NDUFAF2: variants seen among roughly 807,000 people sequenced by gnomAD.
NDUFAF2 encodes the protein NADH dehydrogenase [ubiquinone] 1 alpha subcomplex assembly factor 2.
A neutral mutation model predicts 22.8 loss-of-function variants in NDUFAF2; 13 were observed. The ratio of observed to expected loss-of-function variants is 0.57; its 90% confidence interval spans 0.37 to 0.91. The LOEUF is 0.91. Ranked by LOEUF, NDUFAF2 falls within the 40% of genes least tolerant of loss-of-function variation. The probability of loss-of-function intolerance (pLI) is 0.01; values close to 1 mark genes in which losing one functional copy is unlikely to be tolerated. For synonymous variants in NDUFAF2, 53 were observed against 64.2 expected, an observed-to-expected ratio of 0.83 and a Z score of 0.84; for missense variants, 162 against 195.2, an observed-to-expected ratio of 0.83 and a Z score of 1.01.
intron 3 of NDUFAF2, among the ~76,000 whole-genome samples, chr5:61,105,433 G>T (rs1446147248): frequency 6.6e-6 from 1 of 150,914 alleles, no homozygotes; most frequent in Non-Finnish European, 1.5e-5. Flanking sequence ...TGTATTTATG[G>T]TTAAATGGAC....
chr5:61,028,957 T>G (rs1444771578), intron 1 of NDUFAF2, among the ~76,000 whole-genome samples: 4 of 151,460 alleles, frequency 2.6e-5, no homozygotes, highest in African/African-American at 9.8e-5. Context: ...CTAGGCTTAC[T>G]CTTTGCAGTC....
chr5:61,016,192 A>ATAT lies in NDUFAF2; in HGVS notation c.128-56933_128-56932insTAT, dbSNP rs537759646. On this transcript the variant is annotated intron_variant, in intron 1 of 3. Transcript: ENST00000296597. ...AGAGCAAGACTCTATCTAAAAAAAAAATATATATATACAGAGGTAAAATGA... is the reference window on the plus strand; with the variant it reads ...AGAGCAAGACTCTATCTAAAAAAAAATATATATATATATACAGAGGTAAAATGA... Among the ~76,000 whole-genome samples, 526 of 151,194 alleles carry ATAT rather than the reference A, an allele frequency of 3.5e-3. 5 individuals carry two copies. Among genetic ancestry groups the ATAT allele is most frequent in the Non-Finnish European group, 4.1e-3 (279 of 67,814 alleles).
rs1474802645 is a variant in NDUFAF2 at position 61,056,925 on chromosome 5, T to A, written c.128-16200T>A. Among the ~76,000 whole-genome samples, 71 of 22,600 alleles carry A rather than the reference T, an allele frequency of 3.1e-3. 1 individual carries two copies. The highest frequency in any genetic ancestry group is 6.5e-3 in the African/African-American group (47 of 7,268). The allele number at this position is 22,600 out of a possible 152,430, so 14.8% of individuals were successfully genotyped here. A position where few individuals can be genotyped will look rare whatever the true frequency, so the allele number is the denominator to read the frequency against. ...AAAAAAAAAAAAAAAAAAAAATATA[T>A]ATATATATATATATATATATATATA... On this transcript the variant is annotated intron_variant, in intron 1 of 3. Transcript: ENST00000296597.
At chr5:61,039,034 G>C (rs1561548173) in intron 1 of NDUFAF2, among the ~76,000 whole-genome samples, 1 of 149,662 alleles carries the variant, frequency 6.7e-6, no homozygotes, top group Non-Finnish European at 1.5e-5. Flanking sequence ...TTTTAATATA[G>C]TTTTGGGGAT....
At chr5:61,029,205 A>G (rs773703567) in intron 1 of NDUFAF2, among the ~76,000 whole-genome samples, 1 of 152,144 alleles carries the variant, frequency 6.6e-6, no homozygotes, top group Non-Finnish European at 1.5e-5. Context: ...AGGATAGGCT[A>G]TACATGTATG....
At chr5:61,069,765 C>T (rs964177970) in intron 1 of NDUFAF2, among the ~76,000 whole-genome samples, 9 of 152,112 alleles carry the variant, frequency 5.9e-5, no homozygotes, top group African/African-American at 2.2e-4. Flanking sequence ...TGGGATCTCA[C>T]CTTTTATTAT....
At chr5:60,988,838 A>G (rs191838607) in intron 1 of NDUFAF2, among the ~76,000 whole-genome samples, 8 of 152,304 alleles carry the variant, frequency 5.3e-5, no homozygotes, top group Admixed American at 5.2e-4. Flanking sequence ...AAGATGACCT[A>G]GGCAATACCA....
chr5:61,075,348 A>AC (rs1752354215), intron 2 of NDUFAF2, among the ~76,000 whole-genome samples: 3 of 151,974 alleles, frequency 2.0e-5, no homozygotes, highest in Admixed American at 1.3e-4. Flanking sequence ...GAAAAAAAAA[A>AC]CCATAAAAAT....
intron 3 of NDUFAF2, among the ~76,000 whole-genome samples, chr5:61,122,237 T>G (rs1752985061): frequency 6.6e-6 from 1 of 152,164 alleles, no homozygotes; most frequent in Non-Finnish European, 1.5e-5. Flanking sequence ...GAGAGCCAAT[T>G]CCTTACAGTC....
At chr5:60,988,840 G>A (rs1369678907) in intron 1 of NDUFAF2, among the ~76,000 whole-genome samples, 1 of 152,086 alleles carries the variant, frequency 6.6e-6, no homozygotes, top group Non-Finnish European at 1.5e-5. Context: ...GATGACCTAG[G>A]CAATACCATT....
Position 61,061,831 on chromosome 5 carries a change from G to T in NDUFAF2, c.128-11294G>T, listed in dbSNP as rs140822434. Among the ~76,000 whole-genome samples the T allele has an allele frequency of 2.1e-4, 32 of 152,300 alleles. No individual in the cohort carries two copies. The East Asian group carries it at 5.6e-3, about 27-fold the overall frequency. ...CCTAAGCTAAGACTCACCACTGTGA[G>T]GATAACAAGAATGAGAGGATTCCTA... On this transcript the variant is annotated intron_variant, in intron 1 of 3. Transcript: ENST00000296597.
chr5:61,106,255 G>A (rs2111776970), intron 3 of NDUFAF2, among the ~76,000 whole-genome samples: 1 of 151,400 alleles, frequency 6.6e-6, no homozygotes, highest in East Asian at 1.9e-4. Flanking sequence ...AGGGGAAAAG[G>A]GACCTTTCTA....
chr5:61,078,195 G>T (rs536823179), intron 2 of NDUFAF2, among the ~76,000 whole-genome samples: 2 of 151,772 alleles, frequency 1.3e-5, no homozygotes, highest in Non-Finnish European at 2.9e-5. Flanking sequence ...TGCATCCTCC[G>T]CCCTAAACTG....
intron 1 of NDUFAF2, among the ~76,000 whole-genome samples, chr5:61,041,784 C>T (rs1195532581): frequency 6.6e-6 from 1 of 152,052 alleles, no homozygotes; most frequent in Non-Finnish European, 1.5e-5. Flanking sequence ...CATTTTTTCC[C>T]AGATATTTGT....
chr5:61,043,949 A>G (rs1381908848), intron 1 of NDUFAF2, among the ~76,000 whole-genome samples: 1 of 152,116 alleles, frequency 6.6e-6, no homozygotes, highest in East Asian at 1.9e-4. Flanking sequence ...TGTAAAGGCT[A>G]TACCAATTTA....
rs1051686733 is a variant in NDUFAF2 at position 61,152,976 on chromosome 5, T to G, written c.*21T>G. 6.2e-7 allele frequency: 1 copy of G among 1,612,630 alleles called. No individual in the cohort carries two copies. Among genetic ancestry groups the G allele is most frequent in the Non-Finnish European group, 8.5e-7 (1 of 1,179,018 alleles). ...AATGAATGCATTATGGTCAAATCTT[T>G]TCATGTATATGGATGTGACTATTTT... On this transcript the variant is annotated 3_prime_UTR_variant, in exon 4 of 4. Coordinates refer to ENST00000296597, the MANE Select transcript of NDUFAF2 (RefSeq NM_174889.5).
chr5:61,008,157 TG>T (rs1751394858), intron 1 of NDUFAF2, among the ~76,000 whole-genome samples: 1 of 58,564 alleles, frequency 1.7e-5, no homozygotes, highest in Admixed American at 2.8e-4. Flanking sequence ...TGTTGTGGGG[TG>T]GGGGGAGGGG....
At chr5:61,073,281 G>C in intron 2 of NDUFAF2, 67 bp downstream of exon 2, 1 of 1,140,032 alleles carries the variant, frequency 8.8e-7, no homozygotes, top group Non-Finnish European at 1.3e-6. Flanking sequence ...AATTCAATAA[G>C]AGCATATATA....
chr5:61,036,300 C>CA (rs1751799531), intron 1 of NDUFAF2, among the ~76,000 whole-genome samples: 1 of 152,182 alleles, frequency 6.6e-6, no homozygotes, highest in Non-Finnish European at 1.5e-5. Context: ...TTATTGCAAA[C>CA]AGTGTGCATG....
Sources: gnomAD v4.1 joint callset for allele counts (sites outside exome capture counted in the v4.1 genomes callset) on GRCh38, gnomAD v4.1.1 for gene constraint, MANE v1.5 for transcripts, NCBI Gene and HGNC (gene_info 2026-07-23, HGNC 2026-07-21) for gene names.